The following CYP4X1 variants were observed in gnomAD, a reference collection of about 807,000 sequenced individuals.
CYP4X1 encodes cytochrome P450 family 4 subfamily X member 1, also known as cytochrome P450 4X1.
A neutral mutation model predicts 57.9 loss-of-function variants in CYP4X1; 44 were observed. That is an observed-to-expected ratio of 0.76 (90% confidence interval 0.60 to 0.98). The LOEUF (loss-of-function observed/expected upper bound fraction) is 0.98, where lower values mean the gene tolerates loss of function less well. Ranked by LOEUF, CYP4X1 falls within the 50% of genes least tolerant of loss-of-function variation. The pLI, the probability that CYP4X1 is intolerant of heterozygous loss-of-function variation, is 0.00. For synonymous variants in CYP4X1, 227 were observed against 228.6 expected (o/e 0.99, Z 0.06); for missense variants, 532 against 623.9 (o/e 0.85, Z 1.57).
rs138424189 is a variant in CYP4X1, at chr1:47,042,803, G to T, written c.1073+3271G>T. Among the ~76,000 whole-genome samples the T allele has an allele frequency of 5.0e-3, 755 of 152,138 alleles. 13 individuals carry two copies. Among genetic ancestry groups the T allele is most frequent in the East Asian group, 0.047 (245 of 5,186 alleles). On this transcript the variant is annotated intron_variant, in intron 8 of 11. Transcript: ENST00000371901. ...TGCCTTTATTTTGTTCCTTTTCATG[G>T]CTGAGTAGTATTCCATAGTATATAC... is the stretch of plus-strand genomic sequence containing the variant.
the CYP4X1 span, among the ~76,000 whole-genome samples, chr1:46,984,500 G>A: frequency 3.3e-5 from 5 of 151,894 alleles, no homozygotes; most frequent in African/African-American, 1.2e-4. Context: ...ATTTCCAACT[G>A]AGATACCTGG....
chr1:47,014,744 T>C, the CYP4X1 span, among the ~76,000 whole-genome samples: 2 of 152,204 alleles, frequency 1.3e-5, no homozygotes, highest in Admixed American at 1.3e-4. Context: ...CTTGCCTCTT[T>C]TCCATCTCCT....
chr1:47,039,276 G>A (rs953526819), intron 7 of CYP4X1, 66 bp from the exon 8 acceptor site: 55 of 1,385,552 alleles, frequency 4.0e-5, no homozygotes, highest in Non-Finnish European at 5.2e-5. Context: ...AATCATTATT[G>A]TGGTTGTATC....
intron 8 of CYP4X1, among the ~76,000 whole-genome samples, chr1:47,042,592 T>A (rs1295119024): frequency 1.3e-5 from 2 of 152,168 alleles, no homozygotes; most frequent in Non-Finnish European, 2.9e-5. Flanking sequence ...ATTTGTAGTC[T>A]TGTATCCCTC....
intron 1 of CYP4X1, among the ~76,000 whole-genome samples, chr1:47,027,102 T>G (rs966369594): frequency 6.6e-6 from 1 of 152,250 alleles, no homozygotes. Context: ...TTTGTTCTTT[T>G]TAATTTCATT....
At chr1:47,015,773 T>C in the CYP4X1 span, among the ~76,000 whole-genome samples, 2 of 152,122 alleles carry the variant, frequency 1.3e-5, no homozygotes, top group African/African-American at 4.8e-5. Flanking sequence ...GGACTGGCTA[T>C]CTATGAAGTT....
chr1:47,022,346 A>C (rs1644007610), upstream of CYP4X1, among the ~76,000 whole-genome samples: 1 of 127,146 alleles, frequency 7.9e-6, no homozygotes, highest in Non-Finnish European at 1.5e-5. Flanking sequence ...GCTGGAGTGC[A>C]GTGGCGCGAT....
the CYP4X1 span, among the ~76,000 whole-genome samples, chr1:46,992,595 T>G: frequency 6.6e-6 from 1 of 152,260 alleles, no homozygotes; most frequent in Non-Finnish European, 1.5e-5. Context: ...CACTCCTGTT[T>G]GTGATGAAAT....
upstream of CYP4X1, among the ~76,000 whole-genome samples, chr1:47,019,776 A>G (rs10890443): frequency 0.41 from 61,664 of 152,072 alleles, 13,331 homozygotes; most frequent in East Asian, 0.87. Context: ...CCTTGGACAA[A>G]TTGCATAATC....
chr1:47,036,956 C>CATATATGCATACATGCACATAG (rs1553152583), intron 6 of CYP4X1, among the ~76,000 whole-genome samples: 3 of 152,152 alleles, frequency 2.0e-5, no homozygotes, highest in African/African-American at 7.2e-5. Context: ...CTTACACATA[C>CATATATGCATACATGCACATAG]ATATATGCAT....
chr1:47,000,705 T>A, the CYP4X1 span, among the ~76,000 whole-genome samples: 1 of 151,238 alleles, frequency 6.6e-6, no homozygotes, highest in African/African-American at 2.4e-5. Flanking sequence ...AGGGATGCAG[T>A]TGGGTAGGAG....
chr1:47,039,608 A>C, intron 8 of CYP4X1, 76 bp downstream of exon 8: 1 of 1,178,908 alleles, frequency 8.5e-7, no homozygotes, highest in Non-Finnish European at 1.2e-6. Flanking sequence ...CTGGTACCTT[A>C]GTGACCCTAG....
At chr1:46,962,395 G>T in the CYP4X1 span, among the ~76,000 whole-genome samples, 1 of 152,304 alleles carries the variant, frequency 6.6e-6, no homozygotes, top group East Asian at 1.9e-4. Context: ...TGGGATTACA[G>T]GAGTGAGCCA....
Position 47,039,525 on chromosome 1 carries a change from A to G in CYP4X1, c.1066A>G (p.Ile356Val). Residue 356 changes from isoleucine (I) to valine (V), a missense_variant, in exon 8 of 12, where the codon ATC becomes GTC. By Grantham distance (29) the Ile-to-Val change is conservative. Coordinates refer to ENST00000371901, the MANE Select transcript of CYP4X1 (RefSeq NM_178033.2). ...GGGCATCCTGGGGGATGGGTCTTCTATCACTTGGTAAGATCTGCACCCCTA... is the reference window on the plus strand; with the variant it reads ...GGGCATCCTGGGGGATGGGTCTTCTGTCACTTGGTAAGATCTGCACCCCTA... Reference protein sequence around the residue: ...VRGILGDGSSITWDQLGEMSY... With the variant: ...VRGILGDGSSVTWDQLGEMSY... 1 of 1,602,958 alleles carries G rather than the reference A, an allele frequency of 6.2e-7. No homozygotes were observed. The highest frequency in any genetic ancestry group is 1.7e-4 in the Middle Eastern group (1 of 5,910).
chr1:46,993,929 G>A, the CYP4X1 span, among the ~76,000 whole-genome samples: 2 of 152,132 alleles, frequency 1.3e-5, no homozygotes, highest in African/African-American at 4.8e-5. Flanking sequence ...AAGCTCTTTA[G>A]TTTAATTAGA....
chr1:46,983,986 T>C, the CYP4X1 span, among the ~76,000 whole-genome samples: 6 of 152,094 alleles, frequency 3.9e-5, no homozygotes, highest in East Asian at 1.9e-4. Flanking sequence ...GCCTCCCTTG[T>C]TGGCAGAGCT....
chr1:47,054,351 A>G (rs1241146045), downstream of CYP4X1, among the ~76,000 whole-genome samples: 1 of 152,116 alleles, frequency 6.6e-6, no homozygotes, highest in Non-Finnish European at 1.5e-5. Context: ...GTCAGGTAGC[A>G]TGATGCCTCC....
chr1:46,986,418 T>C, the CYP4X1 span, among the ~76,000 whole-genome samples: 1 of 152,182 alleles, frequency 6.6e-6, no homozygotes, highest in African/African-American at 2.4e-5. Context: ...TTGGTGTACC[T>C]GAAAGTGACA....
At chr1:47,050,865 A>C (rs1238387858), downstream of CYP4X1, 4 of 152,230 alleles carry the variant, frequency 2.6e-5, no homozygotes, top group Non-Finnish European at 5.9e-5. Flanking sequence ...AATGGCAACA[A>C]AAGCCAAAAT....
Sources: allele counts gnomAD v4.1 joint callset (sites outside exome capture counted in the v4.1 genomes callset), GRCh38; gene constraint gnomAD v4.1.1; transcripts MANE v1.5; gene names NCBI Gene and HGNC (gene_info 2026-07-23, HGNC 2026-07-21).